The following SLC24A3 variants were observed in gnomAD, a reference collection of about 807,000 sequenced individuals.
SLC24A3 encodes the protein solute carrier family 24 member 3.
A neutral mutation model predicts 75.8 loss-of-function variants in SLC24A3; 28 were observed. The observed-to-expected ratio is 0.37, with a 90% confidence interval of 0.27 to 0.51. SLC24A3 has a LOEUF of 0.51. SLC24A3 is among the 20% of genes least tolerant of loss of function. The pLI, the probability that SLC24A3 is intolerant of heterozygous loss-of-function variation, is 0.94. For synonymous variants in SLC24A3, 372 were observed against 334.1 expected, an observed-to-expected ratio of 1.11 and a Z score of -1.24; for missense variants, 663 against 847.8, an observed-to-expected ratio of 0.78 and a Z score of 2.71.
At chr20:19,294,515 A>G (rs141605568) in intron 2 of SLC24A3, among the ~76,000 whole-genome samples, 2 of 152,164 alleles carry the variant, frequency 1.3e-5, no homozygotes, top group East Asian at 3.9e-4. Flanking sequence ...TCCTACTTAC[A>G]TGTGGGAACA....
chr20:19,534,430 T>TTTTGTTTTGTTTTGA (rs373019537), intron 3 of SLC24A3, among the ~76,000 whole-genome samples: 34,049 of 150,518 alleles, frequency 0.23, 4,155 homozygotes, highest in South Asian at 0.27. Context: ...TTTTGTTTTG[T>TTTTGTTTTGTTTTGA]GACGGAGTCT....
At chr20:19,525,407 G>A (rs1023585109) in intron 3 of SLC24A3, among the ~76,000 whole-genome samples, 44 of 152,280 alleles carry the variant, frequency 2.9e-4, no homozygotes, top group African/African-American at 9.9e-4. Context: ...GTCCACTATG[G>A]GGAGTGAGGT....
chr20:19,583,448 G>A (rs2122635581), intron 4 of SLC24A3, among the ~76,000 whole-genome samples: 1 of 152,274 alleles, frequency 6.6e-6, no homozygotes, highest in Admixed American at 6.5e-5. Flanking sequence ...GAGGGAGCTG[G>A]GGAGGGCTTT....
chr20:19,476,105 C>T (rs577652811), intron 2 of SLC24A3, among the ~76,000 whole-genome samples: 9 of 152,198 alleles, frequency 5.9e-5, no homozygotes, highest in Non-Finnish European at 1.2e-4. Flanking sequence ...GTCAGACCCA[C>T]GCGATCCACT....
At chr20:19,359,423 C>T (rs1027926442) in intron 2 of SLC24A3, among the ~76,000 whole-genome samples, 1 of 152,290 alleles carries the variant, frequency 6.6e-6, no homozygotes, top group East Asian at 1.9e-4. Context: ...CTGGGGGCTG[C>T]CCCAAAAGAG....
At chr20:19,510,248 T>G (rs1284313293) in intron 2 of SLC24A3, among the ~76,000 whole-genome samples, 1 of 152,180 alleles carries the variant, frequency 6.6e-6, no homozygotes, top group Non-Finnish European at 1.5e-5. Flanking sequence ...ATATGTAATA[T>G]AAGAACATGT....
intron 7 of SLC24A3, among the ~76,000 whole-genome samples, chr20:19,654,600 A>G (rs1312843981): frequency 2.0e-5 from 3 of 149,470 alleles, no homozygotes; most frequent in African/African-American, 5.0e-5. Context: ...TCTCTACTAG[A>G]CATCTCCATG....
At chr20:19,276,741 C>CA (rs1257643718) in intron 1 of SLC24A3, among the ~76,000 whole-genome samples, 1 of 151,904 alleles carries the variant, frequency 6.6e-6, no homozygotes, top group African/African-American at 2.4e-5. Context: ...TCTGTCTCTA[C>CA]AAAAAATAAT....
rs141737267 is a variant in SLC24A3 at position 19,682,170 on chromosome 20, G to A, written c.901+179G>A. Among the ~76,000 whole-genome samples, 496 of 152,248 alleles carry A rather than the reference G, an allele frequency of 3.3e-3. 2 individuals are homozygous for A. The highest frequency in any genetic ancestry group is 0.011 in the African/African-American group (449 of 41,528). On this transcript the variant is annotated intron_variant, in intron 10 of 16. Coordinates refer to ENST00000328041, the MANE Select transcript of SLC24A3 (RefSeq NM_020689.4). ...CATGGGAGGCCGAGGCATGAGAATC[G>A]CTTGAACGCAGGAGGCAGACGTTGC... is the stretch of plus-strand genomic sequence containing the variant.
At chr20:19,688,831 A>C (rs2032711812) in intron 12 of SLC24A3, among the ~76,000 whole-genome samples, 1 of 152,194 alleles carries the variant, frequency 6.6e-6, no homozygotes, top group African/African-American at 2.4e-5. Flanking sequence ...ACAGTGTGCA[A>C]TTTAAGATTG....
At chr20:19,380,695 A>C (rs2122371696) in intron 2 of SLC24A3, among the ~76,000 whole-genome samples, 1 of 152,184 alleles carries the variant, frequency 6.6e-6, no homozygotes, top group South Asian at 2.1e-4. Flanking sequence ...TTTTGGAGGG[A>C]TATTCTTTGA....
At chr20:19,217,337 C>T (rs566147840) in intron 1 of SLC24A3, among the ~76,000 whole-genome samples, 29 of 152,188 alleles carry the variant, frequency 1.9e-4, no homozygotes, top group Admixed American at 5.2e-4. Flanking sequence ...TTTTAAAAAC[C>T]CAAGGATCTG....
chr20:19,559,643 C>A (rs1227420936), intron 3 of SLC24A3, among the ~76,000 whole-genome samples: 1 of 152,092 alleles, frequency 6.6e-6, no homozygotes, highest in Non-Finnish European at 1.5e-5. Flanking sequence ...GTATACTTTC[C>A]TTTTAGTTTC....
intron 6 of SLC24A3, among the ~76,000 whole-genome samples, chr20:19,612,735 G>A (rs187031396): frequency 6.6e-6 from 1 of 152,018 alleles, no homozygotes; most frequent in Admixed American, 6.6e-5. Flanking sequence ...ATCCCTCCTT[G>A]GGATGACTGC....
At chr20:19,260,832 A>G (rs4814836) in intron 1 of SLC24A3, among the ~76,000 whole-genome samples, 37,474 of 152,118 alleles carry the variant, frequency 0.25, 5,726 homozygotes, top group East Asian at 0.77. Flanking sequence ...CAAGTTAGGT[A>G]ACCCCCTCCG....
chr20:19,634,767 C>CG (rs533433256), intron 6 of SLC24A3, among the ~76,000 whole-genome samples: 199 of 151,414 alleles, frequency 1.3e-3, no homozygotes, highest in South Asian at 3.3e-3. Context: ...GACTGGAAGC[C>CG]GGGGGGGACA....
intron 2 of SLC24A3, among the ~76,000 whole-genome samples, chr20:19,313,732 C>T (rs531686831): frequency 2.0e-5 from 3 of 152,356 alleles, no homozygotes; most frequent in African/African-American, 7.2e-5. Context: ...CATGTAACAG[C>T]TCCTGCTTTC....
At chr20:19,271,600 A>T (rs1490413868) in intron 1 of SLC24A3, among the ~76,000 whole-genome samples, 1 of 152,252 alleles carries the variant, frequency 6.6e-6, no homozygotes, top group African/African-American at 2.4e-5. Context: ...AAGCCCATCA[A>T]CCAATGAGTG....
chr20:19,537,802 C>G (rs2030425853), intron 3 of SLC24A3, among the ~76,000 whole-genome samples: 2 of 148,830 alleles, frequency 1.3e-5, no homozygotes, highest in African/African-American at 2.5e-5. Context: ...ACTGCATGTT[C>G]TCACTCATAG....
Sources: gnomAD v4.1 joint callset for allele counts (sites outside exome capture counted in the v4.1 genomes callset) on GRCh38, gnomAD v4.1.1 for gene constraint, MANE v1.5 for transcripts, NCBI Gene and HGNC (gene_info 2026-07-23, HGNC 2026-07-21) for gene names.